NYAP2: variants seen among roughly 807,000 people sequenced by gnomAD.
NYAP2 encodes neuronal tyrosine-phosphorylated phosphoinositide-3-kinase adapter 2.
Under a neutral mutation model 50.4 loss-of-function variants are expected in NYAP2, and 23 were observed. The ratio of observed to expected loss-of-function variants is 0.46; its 90% CI spans 0.33 to 0.65. The LOEUF (loss-of-function observed/expected upper bound fraction) is 0.65, where lower values mean the gene tolerates loss of function less well. Ranked by LOEUF, NYAP2 falls within the 30% of genes least tolerant of loss-of-function variation. The pLI, the probability that NYAP2 is intolerant of heterozygous loss-of-function variation, is 0.02. For missense variants in NYAP2, 885 were observed against 861.0 expected (o/e 1.03, Z -0.35); for synonymous variants, 394 against 365.2 (o/e 1.08, Z -0.90).
intron 4 of NYAP2, among the ~76,000 whole-genome samples, chr2:225,540,747 T>TAA (rs763051936): frequency 5.9e-5 from 9 of 152,304 alleles, no homozygotes; most frequent in East Asian, 1.9e-4. Context: ...GCAAGAAACA[T>TAA]GGGAGTGCAG....
At chr2:225,620,747 C>A (rs979010710) in intron 5 of NYAP2, among the ~76,000 whole-genome samples, 9 of 152,156 alleles carry the variant, frequency 5.9e-5, no homozygotes, top group Admixed American at 5.2e-4. Flanking sequence ...AAAACACACA[C>A]ACAAAATTCC....
At chr2:225,627,171 T>C in intron 6 of NYAP2, 45 bp downstream of exon 6, 1 of 1,381,308 alleles carries the variant, frequency 7.2e-7, no homozygotes, top group South Asian at 1.2e-5. Context: ...CTCCTGTCTC[T>C]AGAGACTACT....
At chr2:225,461,594 A>G (rs1689833901) in intron 3 of NYAP2, among the ~76,000 whole-genome samples, 1 of 152,172 alleles carries the variant, frequency 6.6e-6, no homozygotes, top group Non-Finnish European at 1.5e-5. Flanking sequence ...TCTCTGTCCT[A>G]CTTTTTGCTT....
chr2:225,633,348 T>C (rs925308846), intron 6 of NYAP2, among the ~76,000 whole-genome samples: 1 of 152,244 alleles, frequency 6.6e-6, no homozygotes, highest in African/African-American at 2.4e-5. Context: ...ACCCTTGGTT[T>C]CTGCGTGTTC....
chr2:225,551,070 T>C lies in NYAP2; in HGVS notation c.524-30871T>C, dbSNP rs147978143. ...AAATATTATGATTTTCCAATTCCCA[T>C]AACGGGTCTTACTTTTCATATTTCT... is the stretch of plus-strand genomic sequence containing the variant. On this transcript the variant is annotated intron_variant, in intron 4 of 6. Coordinates refer to ENST00000636099, the Ensembl canonical transcript of NYAP2. 5.5e-3 allele frequency among the ~76,000 whole-genome samples: 840 copies of C among 152,334 alleles called. 11 individuals carry two copies. The highest frequency in any genetic ancestry group is 0.019 in the African/African-American group (806 of 41,570).
chr2:225,700,612 T>C, the NYAP2 span: 1 of 151,880 alleles, frequency 6.6e-6, no homozygotes, highest in Admixed American at 6.6e-5. Flanking sequence ...GTTGTTATCC[T>C]GATTTAAGTT....
At chr2:225,466,835 G>A (rs1689926597) in intron 3 of NYAP2, among the ~76,000 whole-genome samples, 1 of 152,120 alleles carries the variant, frequency 6.6e-6, no homozygotes, top group Non-Finnish European at 1.5e-5. Context: ...CTCAATTCTT[G>A]CCTCCTCAGA....
chr2:225,439,815 A>C (rs1244395984), intron 3 of NYAP2, among the ~76,000 whole-genome samples: 1 of 152,114 alleles, frequency 6.6e-6, no homozygotes, highest in Non-Finnish European at 1.5e-5. Flanking sequence ...ATTTTTTTGC[A>C]GTTGCAAGAT....
intron 3 of NYAP2, among the ~76,000 whole-genome samples, chr2:225,421,950 T>G (rs956030894): frequency 6.6e-6 from 1 of 152,262 alleles, no homozygotes; most frequent in South Asian, 2.1e-4. Context: ...TATTCTTGAT[T>G]TGTTTTTTTC....
At chr2:225,508,566 G>A (rs1363707404) in intron 3 of NYAP2, among the ~76,000 whole-genome samples, 3 of 152,176 alleles carry the variant, frequency 2.0e-5, no homozygotes, top group African/African-American at 4.8e-5. Context: ...GGAAGCAGAA[G>A]AGGTAGGACA....
At chr2:225,678,895 C>T in the NYAP2 span, among the ~76,000 whole-genome samples, 36 of 152,112 alleles carry the variant, frequency 2.4e-4, no homozygotes, top group Non-Finnish European at 4.4e-5. Flanking sequence ...GGTGCCTTAT[C>T]TGAAAAATAG....
intron 3 of NYAP2, among the ~76,000 whole-genome samples, chr2:225,502,864 AC>A (rs975141367): frequency 6.6e-6 from 1 of 152,160 alleles, no homozygotes; most frequent in Non-Finnish European, 1.5e-5. Flanking sequence ...CTTTCTGAGG[AC>A]CCTGACCACT....
chr2:225,586,067 C>G (rs916174585), intron 5 of NYAP2, among the ~76,000 whole-genome samples: 2 of 152,150 alleles, frequency 1.3e-5, no homozygotes, highest in African/African-American at 4.8e-5. Context: ...TTCCAAGCCT[C>G]TGTTGGTTTA....
intron 5 of NYAP2, 140 bp downstream of exon 5, chr2:225,583,175 TGTTA>T: frequency 1.9e-6 from 2 of 1,066,092 alleles, no homozygotes; most frequent in Non-Finnish European, 2.6e-6. Flanking sequence ...AAACAAAATG[TGTTA>T]GTTCATTTTT....
At position 225,410,648 on chromosome 2, in the gene NYAP2, A is replaced by G. The variant is rs559379302; in HGVS notation, c.221+1547A>G. On this transcript the variant is annotated intron_variant, in intron 3 of 6. Transcript: ENST00000636099. ...GCATATAAATAAAATTATTTTCTGG[A>G]TCATTCCATTAGCTTTTACAGAACA... Among the ~76,000 whole-genome samples, 6 of 152,200 alleles carry G rather than the reference A, an allele frequency of 3.9e-5. No homozygotes were observed. In the South Asian group the frequency reaches 1.2e-3, roughly 32 times the overall value.
At chr2:225,404,407 A>G (rs1266619853) in intron 2 of NYAP2, among the ~76,000 whole-genome samples, 1 of 151,972 alleles carries the variant, frequency 6.6e-6, no homozygotes, top group Non-Finnish European at 1.5e-5. Context: ...ATGTGTATAT[A>G]ATGGGTAGTT....
chr2:225,636,201 A>T (rs1693411798), intron 6 of NYAP2, among the ~76,000 whole-genome samples: 1 of 152,210 alleles, frequency 6.6e-6, no homozygotes, highest in Admixed American at 6.5e-5. Context: ...CTTCCTGGAG[A>T]ATGTGACACT....
intron 3 of NYAP2, among the ~76,000 whole-genome samples, chr2:225,415,449 G>T (rs1308758600): frequency 6.6e-6 from 1 of 152,118 alleles, no homozygotes; most frequent in Non-Finnish European, 1.5e-5. Flanking sequence ...TTTACCCAAA[G>T]ACATAATTAC....
intron 5 of NYAP2, among the ~76,000 whole-genome samples, chr2:225,601,310 G>T (rs375599261): frequency 3.3e-5 from 5 of 151,738 alleles, no homozygotes; most frequent in African/African-American, 9.7e-5. Flanking sequence ...TAGTAGAGAC[G>T]GGGTTTCACC....
Sources: allele counts gnomAD v4.1 joint callset (sites outside exome capture counted in the v4.1 genomes callset), GRCh38; gene constraint gnomAD v4.1.1; transcripts MANE v1.5; gene names NCBI Gene and HGNC (gene_info 2026-07-23, HGNC 2026-07-21).